The following SUMF1 variants were observed in gnomAD, a reference collection of about 807,000 sequenced individuals.
SUMF1 encodes formylglycine-generating enzyme.
Under a neutral mutation model 47.6 loss-of-function variants are expected in SUMF1, and 48 were observed. The ratio of observed to expected loss-of-function variants is 1.01; its 90% CI spans 0.80 to 1.28. The LOEUF (loss-of-function observed/expected upper bound fraction) is 1.28, where lower values mean the gene tolerates loss of function less well. SUMF1 is among the 50% of genes most tolerant of loss of function. SUMF1 has a pLI of 0.00. For synonymous variants in SUMF1, 230 were observed against 192.1 expected, an observed-to-expected ratio of 1.20 and a Z score of -1.63; for missense variants, 571 against 485.4, an observed-to-expected ratio of 1.18 and a Z score of -1.66.
intron 8 of SUMF1, among the ~76,000 whole-genome samples, chr3:4,101,533 C>T (rs1299779391): frequency 6.6e-6 from 1 of 152,070 alleles, no homozygotes; most frequent in African/African-American, 2.4e-5. Flanking sequence ...GGTCAACAGA[C>T]ACAAAGTTAC....
intron 8 of SUMF1, among the ~76,000 whole-genome samples, chr3:4,242,673 G>A (rs571326431): frequency 1.3e-5 from 2 of 152,262 alleles, no homozygotes; most frequent in Admixed American, 6.5e-5. Flanking sequence ...GATTCAGTTT[G>A]CCAGTATTTT....
At chr3:4,394,944 G>A (rs927512230) in intron 7 of SUMF1, among the ~76,000 whole-genome samples, 1 of 152,096 alleles carries the variant, frequency 6.6e-6, no homozygotes, top group East Asian at 1.9e-4. Context: ...ACCATCTTTC[G>A]AGAAAGGAAC....
intron 2 of SUMF1, among the ~76,000 whole-genome samples, chr3:4,451,963 G>A (rs1405861244): frequency 2.0e-5 from 3 of 152,124 alleles, no homozygotes; most frequent in Non-Finnish European, 2.9e-5. Context: ...GATTACAGGC[G>A]TGAGCCACCG....
chr3:4,285,036 G>C (rs1697604999), intron 8 of SUMF1, among the ~76,000 whole-genome samples: 1 of 152,108 alleles, frequency 6.6e-6, no homozygotes, highest in Non-Finnish European at 1.5e-5. Context: ...GCTTTCTTCT[G>C]TTTCTCAGTA....
At chr3:4,199,245 A>G (rs1036028774) in intron 8 of SUMF1, among the ~76,000 whole-genome samples, 8 of 151,974 alleles carry the variant, frequency 5.3e-5, no homozygotes, top group African/African-American at 1.9e-4. Flanking sequence ...GAATCATACT[A>G]TATGTATTCT....
At chr3:4,458,583 C>T (rs1363165768) in intron 1 of SUMF1, among the ~76,000 whole-genome samples, 1 of 152,124 alleles carries the variant, frequency 6.6e-6, no homozygotes, top group African/African-American at 2.4e-5. Context: ...CGGCCAGGTG[C>T]GGAGGCTCAC....
chr3:4,403,105 G>A (rs3852047), intron 7 of SUMF1, among the ~76,000 whole-genome samples: 4,459 of 152,236 alleles, frequency 0.029, 106 homozygotes, highest in African/African-American at 0.066. Flanking sequence ...CAAACATGGT[G>A]CTAAGTCCCA....
chr3:4,245,419 T>C (rs987331750), intron 8 of SUMF1, among the ~76,000 whole-genome samples: 1 of 152,210 alleles, frequency 6.6e-6, no homozygotes, highest in Middle Eastern at 3.2e-3. Flanking sequence ...GATGGGGTTT[T>C]AGTGTGGATG....
At chr3:4,067,005 G>T (rs7430181) in intron 9 of SUMF1, among the ~76,000 whole-genome samples, 1 of 152,110 alleles carries the variant, frequency 6.6e-6, no homozygotes, top group African/African-American at 2.4e-5. Flanking sequence ...GCCTGAATTC[G>T]TTAGGGGATA....
intron 8 of SUMF1, among the ~76,000 whole-genome samples, chr3:4,071,046 T>C (rs574335638): frequency 1.3e-5 from 2 of 152,134 alleles, no homozygotes; most frequent in Admixed American, 1.3e-4. Flanking sequence ...ATTTTCACTG[T>C]TCTGGTAGGA....
chr3:4,236,594 T>C (rs1174967217), intron 8 of SUMF1, among the ~76,000 whole-genome samples: 4 of 151,772 alleles, frequency 2.6e-5, no homozygotes, highest in Non-Finnish European at 5.9e-5. Context: ...CATCTCTAAA[T>C]AAATAAATAA....
chr3:4,142,799 G>A (rs1480600098), intron 8 of SUMF1, among the ~76,000 whole-genome samples: 1 of 151,878 alleles, frequency 6.6e-6, no homozygotes, highest in Non-Finnish European at 1.5e-5. Context: ...TAATTAGAGG[G>A]GATTTGCAAA....
intron 3 of SUMF1, among the ~76,000 whole-genome samples, chr3:4,445,216 T>C (rs1702739122): frequency 6.6e-6 from 1 of 152,204 alleles, no homozygotes; most frequent in African/African-American, 2.4e-5. Flanking sequence ...ATACACTTAG[T>C]ATGGTAAAAC....
chr3:4,252,240 C>A (rs1696819020), intron 8 of SUMF1, among the ~76,000 whole-genome samples: 1 of 152,118 alleles, frequency 6.6e-6, no homozygotes, highest in African/African-American at 2.4e-5. Context: ...TCCTCTTCTC[C>A]ATGAGCTACA....
intron 3 of SUMF1, among the ~76,000 whole-genome samples, chr3:4,435,003 C>T (rs540185626): frequency 6.6e-6 from 1 of 152,212 alleles, no homozygotes; most frequent in Non-Finnish European, 1.5e-5. Flanking sequence ...TCTCAGCTCA[C>T]TGCAACCTCC....
intron 8 of SUMF1, among the ~76,000 whole-genome samples, chr3:4,155,110 T>C (rs1449884366): frequency 6.6e-6 from 1 of 151,552 alleles, no homozygotes; most frequent in Non-Finnish European, 1.5e-5. Flanking sequence ...TATCATCTTG[T>C]TGAGACATCA....
chr3:4,440,715 C>G (rs1321879155), intron 3 of SUMF1, among the ~76,000 whole-genome samples: 2 of 152,200 alleles, frequency 1.3e-5, no homozygotes, highest in African/African-American at 4.8e-5. Flanking sequence ...AAGTGACTTT[C>G]AGTTGAAAGA....
intron 8 of SUMF1, among the ~76,000 whole-genome samples, chr3:4,345,292 A>G (rs1024092937): frequency 6.6e-6 from 1 of 152,218 alleles, no homozygotes; most frequent in Non-Finnish European, 1.5e-5. Context: ...CAGAAAGGTC[A>G]GGTTACCCAC....
chr3:4,424,457 A>T (rs995747548), intron 3 of SUMF1, among the ~76,000 whole-genome samples: 4 of 152,226 alleles, frequency 2.6e-5, no homozygotes, highest in Non-Finnish European at 4.4e-5. Context: ...TGGCCAAAGC[A>T]TGAGAAAGAG....
Sources: allele counts gnomAD v4.1 joint callset (sites outside exome capture counted in the v4.1 genomes callset), GRCh38; gene constraint gnomAD v4.1.1; transcripts MANE v1.5; gene names NCBI Gene and HGNC (gene_info 2026-07-23, HGNC 2026-07-21).